Variants in METAP2 observed in about 807,000 individuals in gnomAD.
The protein encoded by METAP2 is methionyl aminopeptidase 2, also known as methionine aminopeptidase 2.
In METAP2, 25 loss-of-function variants were observed where a neutral mutation model predicts 59.4. That is an observed-to-expected ratio of 0.42 (90% CI 0.31 to 0.59). METAP2 has a LOEUF of 0.59. Among genes scored for constraint, METAP2 ranks in the 20% least tolerant of loss-of-function variants. METAP2 has a pLI of 0.16. For missense variants in METAP2, 366 were observed against 581.2 expected (o/e 0.63, Z 3.81); for synonymous variants, 214 against 194.1 (o/e 1.10, Z -0.85).
chr12:95,498,081 C>T (rs534301321), intron 7 of METAP2, among the ~76,000 whole-genome samples: 1 of 150,702 alleles, frequency 6.6e-6, no homozygotes, highest in African/African-American at 2.4e-5. Flanking sequence ...TGCAGTGAGC[C>T]GAGATCGCCC....
chr12:95,487,315 C>T (rs1388578646), intron 4 of METAP2, among the ~76,000 whole-genome samples: 1 of 148,062 alleles, frequency 6.8e-6, no homozygotes, highest in East Asian at 2.0e-4. Flanking sequence ...GTAAAGACAC[C>T]ATTTTTTTTT....
chr12:95,513,981 CAT>C lies in METAP2; in HGVS notation c.*78_*79del, dbSNP rs2076425018. ...ACATGATACCAGAATTAATTTGCCA[CAT>C]GTTGTCTGTTTTAACAGTGGACCCA... On this transcript the variant is annotated 3_prime_UTR_variant, in exon 11 of 11. Transcript: ENST00000323666. The C allele has an allele frequency of 1.3e-6, 2 of 1,485,706 alleles. No homozygotes were observed. The highest frequency in any genetic ancestry group is 1.8e-6 in the Non-Finnish European group (2 of 1,100,990). The allele number at this position is 1,485,706 out of a possible 1,614,324, so 92.0% of individuals were successfully genotyped here.
chr12:95,505,838 T>G (rs1241906358), intron 8 of METAP2, among the ~76,000 whole-genome samples: 2 of 149,160 alleles, frequency 1.3e-5, no homozygotes, highest in East Asian at 2.1e-4. Flanking sequence ...CTCACGCCTG[T>G]AATCCCAAAA....
chr12:95,485,887 C>A lies in METAP2; in HGVS notation c.334C>A (p.Gln112Lys). The change falls in exon 4 of 11, where the codon CAA becomes AAA. Residue 112 changes from glutamine to lysine, a missense_variant. Physicochemically the swap from Gln to Lys is moderately conservative, Grantham distance 53 (BLOSUM62 1). Transcript: ENST00000323666. Reference sequence around the variant, plus strand: ...TTATTTGTATCTCACAGCAAAAGTTCAAACAGACCCTCCCTCAGTTCCAAT... The same window carrying A: ...TTATTTGTATCTCACAGCAAAAGTTAAAACAGACCCTCCCTCAGTTCCAAT... ...KKKKKRGPKV[Q>K]TDPPSVPICD... The A allele has an allele frequency of 6.4e-7, 1 of 1,559,386 alleles. No individual in the cohort carries two copies. The highest frequency in any genetic ancestry group is 1.2e-5 in the South Asian group (1 of 81,046).
At chr12:95,512,714 A>G in intron 9 of METAP2, 87 bp from the exon 10 acceptor site, 1 of 749,122 alleles carries the variant, frequency 1.3e-6, no homozygotes, top group Non-Finnish European at 2.2e-6. Context: ...CTGTCTCAAA[A>G]AGAGAGAGAG....
chr12:95,485,861 T>A lies in METAP2; in HGVS notation c.326-18T>A. The stretch of plus-strand genomic sequence containing the variant: ...TATTTTTAACTACAGAAGTTAATGC[T>A]TTATTTGTATCTCACAGCAAAAGTT... On this transcript the variant is annotated intron_variant, in intron 3 of 10. Coordinates refer to ENST00000323666, the MANE Select transcript of METAP2 (RefSeq NM_006838.4). 6.8e-7 allele frequency: 1 copy of A among 1,465,512 alleles called. No individual in the cohort carries two copies. The highest frequency in any genetic ancestry group is 1.3e-5 in the South Asian group (1 of 76,430). 90.8% of individuals were successfully genotyped at this position (1,465,512 alleles called of 1,614,324 possible).
intron 2 of METAP2, among the ~76,000 whole-genome samples, chr12:95,477,327 GT>G (rs1206056496): frequency 6.6e-6 from 1 of 152,112 alleles, no homozygotes; most frequent in Non-Finnish European, 1.5e-5. Flanking sequence ...CTGACCTCAA[GT>G]AATCTGCCCA....
intron 1 of METAP2, among the ~76,000 whole-genome samples, chr12:95,475,189 A>T (rs551388313): frequency 3.9e-5 from 6 of 152,330 alleles, no homozygotes; most frequent in Admixed American, 2.0e-4. Flanking sequence ...ACTTGTTTCT[A>T]ATTAAAATCG....
At chr12:95,478,866 A>T (rs547887380) in intron 2 of METAP2, among the ~76,000 whole-genome samples, 8 of 152,134 alleles carry the variant, frequency 5.3e-5, no homozygotes, top group Admixed American at 5.2e-4. Context: ...TGGTAATACA[A>T]GCTTGCCATA....
rs778704883 is a variant in METAP2 at position 95,483,219 on chromosome 12, A to G, written c.264A>G (p.Gly88=). The change falls in exon 3 of 11, where the codon GGA becomes GGG. Residue 88 remains glycine, a synonymous_variant. Coordinates refer to ENST00000323666, the MANE Select transcript of METAP2 (RefSeq NM_006838.4). The stretch of plus-strand genomic sequence containing the variant: ...ACTTGAAATGTCTTTTCTTAGATGG[A>G]GATGGCGATGGAGATGGAGCAACTG... ...DKERDEDDED[G]DGDGDGATGK... is the part of the protein sequence containing the mutation. 1 of 1,611,954 alleles carries G rather than the reference A, an allele frequency of 6.2e-7. No homozygotes were observed.
intron 8 of METAP2, among the ~76,000 whole-genome samples, chr12:95,509,895 G>A (rs2099854744): frequency 7.0e-6 from 1 of 143,234 alleles, no homozygotes; most frequent in African/African-American, 2.6e-5. Flanking sequence ...CTGGAGTACA[G>A]TGGTGCAGTT....
Position 95,512,785 on chromosome 12 carries a change from C to G in METAP2, c.1069-16C>G. 1 of 1,417,706 alleles carries G rather than the reference C, an allele frequency of 7.1e-7. No homozygotes were observed. The highest frequency in any genetic ancestry group is 9.9e-7 in the Non-Finnish European group (1 of 1,005,514). The allele number at this position is 1,417,706 out of a possible 1,614,324, so 87.8% of individuals were successfully genotyped here. A position where few individuals can be genotyped will look rare whatever the true frequency, so the allele number is the denominator to read the frequency against. ...TTTTCTTCTTTCTCTCCCCTTGACC[C>G]TTATTTATTTTTCAGGAAGGAGAAG... On this transcript the variant is annotated splice_polypyrimidine_tract_variant and intron_variant, in intron 9 of 10. Transcript: ENST00000323666.
At chr12:95,500,153 T>G (rs1177305706) in intron 7 of METAP2, among the ~76,000 whole-genome samples, 1 of 150,810 alleles carries the variant, frequency 6.6e-6, no homozygotes, top group Non-Finnish European at 1.5e-5. Context: ...ATTCCTAAGT[T>G]TTTTTTTTTT....
chr12:95,501,609 G>A (rs1329319859), intron 7 of METAP2, among the ~76,000 whole-genome samples: 1 of 152,010 alleles, frequency 6.6e-6, no homozygotes, highest in African/African-American at 2.4e-5. Context: ...CAGCTACTCA[G>A]GAGGCTGAGG....
chr12:95,498,119 C>T (rs1347078682), intron 7 of METAP2, among the ~76,000 whole-genome samples: 61 of 146,530 alleles, frequency 4.2e-4, no homozygotes, highest in Admixed American at 6.1e-4. Context: ...GGCGACTGAG[C>T]GAGACTCCAT....
rs1405593728 is a variant in METAP2, at chr12:95,514,787, A to ATG, written c.*885_*886dup. The ATG allele has an allele frequency of 1.3e-5, 2 of 152,160 alleles. No homozygotes were observed. The highest frequency in any genetic ancestry group is 2.9e-5 in the Non-Finnish European group (2 of 68,010). The allele number at this position is 152,160 out of a possible 1,614,324, so 9.4% of individuals were successfully genotyped here. ...CAAAGAAGAAAAAAAAAAACTTCCC[A>ATG]TGTTTGGATCTTGTTCTAGTTAGAA... On this transcript the variant is annotated 3_prime_UTR_variant, in exon 11 of 11. Coordinates refer to ENST00000323666, the MANE Select transcript of METAP2 (RefSeq NM_006838.4).
At chr12:95,477,250 A>G (rs542173687) in intron 2 of METAP2, among the ~76,000 whole-genome samples, 2 of 152,130 alleles carry the variant, frequency 1.3e-5, no homozygotes, top group Non-Finnish European at 2.9e-5. Flanking sequence ...GGCGCCTGCC[A>G]CCATGCCCAA....
intron 4 of METAP2, among the ~76,000 whole-genome samples, chr12:95,490,465 C>G (rs569438920): frequency 6.6e-6 from 1 of 151,442 alleles, no homozygotes; most frequent in East Asian, 1.9e-4. Context: ...TGTATTGTTA[C>G]TAGTTTTTTC....
chr12:95,484,192 C>T (rs1487887940), intron 3 of METAP2, among the ~76,000 whole-genome samples: 1 of 151,862 alleles, frequency 6.6e-6, no homozygotes, highest in Non-Finnish European at 1.5e-5. Flanking sequence ...TTTTATGAAT[C>T]AGAATTTTGG....
Sources: allele counts gnomAD v4.1 joint callset (sites outside exome capture counted in the v4.1 genomes callset), GRCh38; gene constraint gnomAD v4.1.1; transcripts MANE v1.5; gene names NCBI Gene and HGNC (gene_info 2026-07-23, HGNC 2026-07-21).